Variants in PCCB observed in about 807,000 individuals in gnomAD.
PCCB encodes propionyl-CoA carboxylase beta chain, mitochondrial.
A neutral mutation model predicts 60.7 loss-of-function variants in PCCB; 43 were observed. That is an observed-to-expected ratio of 0.71 (90% confidence interval 0.55 to 0.91). PCCB has a LOEUF of 0.91. PCCB is among the 40% of genes least tolerant of loss of function. The pLI is 0.00. For synonymous variants in PCCB, 276 were observed against 255.9 expected, an observed-to-expected ratio of 1.08 and a Z score of -0.75; for missense variants, 766 against 702.8, an observed-to-expected ratio of 1.09 and a Z score of -1.02.
Position 136,289,789 on chromosome 3 carries a change from C to CTTTTTTTTTTTTT in PCCB, c.655-3958_655-3957insTTTTTTTTTTTTT, listed in dbSNP as rs147625921. Reference sequence around the variant, plus strand: ...TTTTCTCCTTTATTAACATGTTATACTTTTTTTTTACCTTCTTCAGTGGTT... The same window carrying CTTTTTTTTTTTTT: ...TTTTCTCCTTTATTAACATGTTATACTTTTTTTTTTTTTTTTTTTTTTACCTTCTTCAGTGGTT... On this transcript the variant is annotated intron_variant, in intron 6 of 14. Transcript: ENST00000251654. Among the ~76,000 whole-genome samples the CTTTTTTTTTTTTT allele has an allele frequency of 6.1e-4, 86 of 141,816 alleles. 1 individual carries two copies. The highest frequency in any genetic ancestry group is 9.9e-4 in the African/African-American group (37 of 37,290). The allele number at this position is 141,816 out of a possible 152,430, so 93.0% of individuals were successfully genotyped here. A position where few individuals can be genotyped will look rare whatever the true frequency, so the allele number is the denominator to read the frequency against.
chr3:136,296,056 T>C (rs750070001), intron 7 of PCCB, among the ~76,000 whole-genome samples: 2 of 152,190 alleles, frequency 1.3e-5, no homozygotes, highest in Non-Finnish European at 2.9e-5. Flanking sequence ...GTACATATAT[T>C]TTTCTCTCTT....
At chr3:136,254,517 G>C (rs867102026) in intron 1 of PCCB, among the ~76,000 whole-genome samples, 11 of 49,428 alleles carry the variant, frequency 2.2e-4, no homozygotes, top group Middle Eastern at 0.025. Context: ...ACTGCGGCTA[G>C]CTTTTTTTTT....
intron 7 of PCCB, among the ~76,000 whole-genome samples, chr3:136,295,366 A>T (rs2108199429): frequency 6.6e-6 from 1 of 152,304 alleles, no homozygotes; most frequent in Non-Finnish European, 1.5e-5. Flanking sequence ...AGGGCTCTTG[A>T]TCCCCCACCC....
intron 9 of PCCB, 37 bp from the exon 10 acceptor site, chr3:136,316,904 T>A: frequency 6.2e-7 from 1 of 1,611,934 alleles, no homozygotes; most frequent in South Asian, 1.1e-5. Context: ...TACTTGTCTT[T>A]ACCATTTTGA....
intron 6 of PCCB, among the ~76,000 whole-genome samples, chr3:136,286,184 T>C (rs1933396687): frequency 6.6e-6 from 1 of 152,218 alleles, no homozygotes; most frequent in South Asian, 2.1e-4. Context: ...GAAAAGGATA[T>C]TATTCTAAGC....
chr3:136,270,293 A>G (rs1012142938), intron 5 of PCCB, among the ~76,000 whole-genome samples: 1 of 152,112 alleles, frequency 6.6e-6, no homozygotes. Context: ...TTTTGAATCA[A>G]TATTAGTAAG....
At chr3:136,320,189 A>G (rs529044699) in intron 10 of PCCB, among the ~76,000 whole-genome samples, 1 of 152,194 alleles carries the variant, frequency 6.6e-6, no homozygotes, top group Admixed American at 6.5e-5. Context: ...GGCCCTTTTA[A>G]ATTCCATATG....
At chr3:136,298,832 T>C (rs906692416) in intron 8 of PCCB, among the ~76,000 whole-genome samples, 1 of 152,188 alleles carries the variant, frequency 6.6e-6, no homozygotes, top group African/African-American at 2.4e-5. Flanking sequence ...TTTGAAATTG[T>C]ATTGTTTGGG....
At chr3:136,279,592 G>A (rs1312529855) in intron 5 of PCCB, among the ~76,000 whole-genome samples, 1 of 152,098 alleles carries the variant, frequency 6.6e-6, no homozygotes, top group East Asian at 1.9e-4. Context: ...TATTGTCATA[G>A]ATTATATCTT....
At chr3:136,297,019 CG>C (rs1023529943) in intron 7 of PCCB, among the ~76,000 whole-genome samples, 1 of 152,110 alleles carries the variant, frequency 6.6e-6, no homozygotes, top group Non-Finnish European at 1.5e-5. Flanking sequence ...GAAGGCAATA[CG>C]TGCTATGGAA....
At chr3:136,309,223 A>G (rs750756886) in intron 9 of PCCB, among the ~76,000 whole-genome samples, 4 of 150,206 alleles carry the variant, frequency 2.7e-5, no homozygotes, top group African/African-American at 4.9e-5. Flanking sequence ...AGATCGTGCC[A>G]CTGCACTCCA....
At chr3:136,288,032 ATAGTT>A (rs1933502166) in intron 6 of PCCB, among the ~76,000 whole-genome samples, 1 of 152,188 alleles carries the variant, frequency 6.6e-6, no homozygotes. Flanking sequence ...TTACATTAAC[ATAGTT>A]TAATTGTGCC....
At chr3:136,270,915 G>A (rs1001720740) in intron 5 of PCCB, among the ~76,000 whole-genome samples, 1 of 152,024 alleles carries the variant, frequency 6.6e-6, no homozygotes, top group African/African-American at 2.4e-5. Context: ...TTTCATGTTT[G>A]TTGGCCATTT....
intron 10 of PCCB, among the ~76,000 whole-genome samples, chr3:136,325,589 C>T (rs1935276943): frequency 6.6e-6 from 1 of 151,874 alleles, no homozygotes; most frequent in African/African-American, 2.4e-5. Context: ...AACTCCTGAC[C>T]TCAAGTGGTC....
intron 7 of PCCB, among the ~76,000 whole-genome samples, chr3:136,296,760 AT>A (rs1489451604): frequency 6.6e-6 from 1 of 152,270 alleles, no homozygotes; most frequent in African/African-American, 2.4e-5. Context: ...ACAAATACTC[AT>A]TTAGAATATG....
In PCCB at chr3:136,329,986, TACA is replaced by T; in HGVS notation, c.1583_1585del (p.Gln528del). The T allele has an allele frequency of 1.9e-6, 3 of 1,614,126 alleles. No individual in the cohort carries two copies. The highest frequency in any genetic ancestry group is 2.5e-6 in the Non-Finnish European group (3 of 1,179,986). ...CTGGATGTCTTGGCCAGCAAGAAGG[TACA>T]ACGTCCTTGGAGAAAACATGCAAAT... On this transcript the variant is annotated inframe_deletion, in exon 15 of 15. Coordinates refer to ENST00000251654, the MANE Select transcript of PCCB (RefSeq NM_000532.5).
chr3:136,309,848 T>C (rs1262706517), intron 9 of PCCB, among the ~76,000 whole-genome samples: 1 of 151,626 alleles, frequency 6.6e-6, no homozygotes, highest in African/African-American at 2.4e-5. Context: ...GAAAATTTGT[T>C]TGGAAAACAC....
At chr3:136,288,994 G>T (rs570099883) in intron 6 of PCCB, among the ~76,000 whole-genome samples, 4 of 152,076 alleles carry the variant, frequency 2.6e-5, no homozygotes, top group African/African-American at 9.6e-5. Flanking sequence ...TAGAGACAGG[G>T]TTTCACCATG....
rs926545581 is a variant in PCCB at position 136,264,674 on chromosome 3, C to T, written c.543+2609C>T. Among the ~76,000 whole-genome samples, 8 of 149,774 alleles carry T rather than the reference C, an allele frequency of 5.3e-5. 1 individual carries two copies. The highest frequency in any genetic ancestry group is 1.2e-4 in the Non-Finnish European group (8 of 67,576). The stretch of plus-strand genomic sequence containing the variant: ...GGATCACGAGGTCAGGAGATCAAGA[C>T]CGTCCTGGCTAACACGGTGAAACCC... On this transcript the variant is annotated intron_variant, in intron 5 of 14. Transcript: ENST00000251654.
Sources: allele counts gnomAD v4.1 joint callset (sites outside exome capture counted in the v4.1 genomes callset), GRCh38; gene constraint gnomAD v4.1.1; transcripts MANE v1.5; gene names NCBI Gene and HGNC (gene_info 2026-07-23, HGNC 2026-07-21).